Variants in BTC observed in about 807,000 individuals in gnomAD.
BTC encodes the protein betacellulin.
In BTC, 13 loss-of-function variants were observed where a neutral mutation model predicts 18.1. The ratio of observed to expected loss-of-function variants is 0.72; its 90% CI spans 0.47 to 1.14. The LOEUF is 1.14. Ranked by LOEUF, BTC falls within the 50% of genes most tolerant of loss-of-function variation. The probability of loss-of-function intolerance (pLI) is 0.00; values close to 1 mark genes in which losing one functional copy is unlikely to be tolerated. For synonymous variants in BTC, 83 were observed against 79.4 expected (o/e 1.05, Z -0.24); for missense variants, 247 against 224.2 (o/e 1.10, Z -0.65).
chr4:74,776,079 T>C (rs1284504492), intron 1 of BTC, among the ~76,000 whole-genome samples: 4 of 152,208 alleles, frequency 2.6e-5, no homozygotes, highest in Non-Finnish European at 5.9e-5. Flanking sequence ...TTATTCTCCT[T>C]ACCATAAAAT....
chr4:74,751,871 G>C (rs976007577), intron 3 of BTC, among the ~76,000 whole-genome samples: 1 of 152,090 alleles, frequency 6.6e-6, no homozygotes, highest in Non-Finnish European at 1.5e-5. Flanking sequence ...TTTTCCTTAA[G>C]AGAATGCTTC....
At chr4:74,791,660 G>T (rs927248403) in intron 1 of BTC, among the ~76,000 whole-genome samples, 1 of 152,034 alleles carries the variant, frequency 6.6e-6, no homozygotes, top group South Asian at 2.1e-4. Flanking sequence ...TACCTAATTT[G>T]CATATGTTAG....
chr4:74,748,053 T>A lies in BTC; in HGVS notation c.525A>T (p.Thr175=). 1.9e-6 allele frequency: 3 copies of A among 1,585,636 alleles called. No individual in the cohort carries two copies. The South Asian group carries it at 3.4e-5, about 18-fold the overall frequency. Residue 175 remains threonine, a synonymous_variant, in exon 5 of 6, where the codon ACA becomes ACT. Transcript: ENST00000395743. ...TATCTCACTTACTTTAAGCAATATT[T>A]GTCTCTTCAATATCTTCATTGATAG... is the stretch of plus-strand genomic sequence containing the variant. The part of the protein sequence containing the change: ...ITPINEDIEE[T]NIA
At chr4:74,780,909 T>A (rs1043805647) in intron 1 of BTC, among the ~76,000 whole-genome samples, 28 of 151,344 alleles carry the variant, frequency 1.9e-4, no homozygotes, top group African/African-American at 5.8e-4. Flanking sequence ...TTTTTTTTTT[T>A]AATTTTATTA....
chr4:74,756,591 C>T (rs575062884), intron 2 of BTC, among the ~76,000 whole-genome samples: 2 of 152,298 alleles, frequency 1.3e-5, no homozygotes, highest in African/African-American at 2.4e-5. Flanking sequence ...ACTGAGTCCA[C>T]GTTCTTGACT....
intron 2 of BTC, among the ~76,000 whole-genome samples, chr4:74,759,083 G>T (rs1453701690): frequency 2.6e-5 from 4 of 151,952 alleles, no homozygotes; most frequent in Non-Finnish European, 5.9e-5. Context: ...TTATAATCCA[G>T]TATTCATCAA....
chr4:74,752,349 A>G (rs1307266673), intron 3 of BTC, among the ~76,000 whole-genome samples: 2 of 151,866 alleles, frequency 1.3e-5, no homozygotes, highest in African/African-American at 2.4e-5. Flanking sequence ...TCTGTCATAC[A>G]TAAGACCAAA....
chr4:74,765,821 G>A (rs796781968), intron 2 of BTC, among the ~76,000 whole-genome samples: 2 of 152,268 alleles, frequency 1.3e-5, no homozygotes, highest in African/African-American at 4.8e-5. Context: ...CAGAAAGGAT[G>A]ATATATAGTC....
rs1292246240 is a variant in BTC, at chr4:74,746,483, T to C, written c.*194A>G. ...ACCTAACCAGTTGCTTTTTTCCCAATTACTAGACAATATACATATAATTAA... is the reference window on the plus strand; with the variant it reads ...ACCTAACCAGTTGCTTTTTTCCCAACTACTAGACAATATACATATAATTAA... On this transcript the variant is annotated 3_prime_UTR_variant, in exon 6 of 6. Coordinates refer to ENST00000395743, the MANE Select transcript of BTC (RefSeq NM_001729.4). The C allele has an allele frequency of 2.0e-5, 3 of 152,592 alleles. No individual in the cohort carries two copies. Among genetic ancestry groups the C allele is most frequent in the African/African-American group, 4.8e-5 (2 of 41,430 alleles). The allele number at this position is 152,592 out of a possible 1,614,324, so 9.5% of individuals were successfully genotyped here.
Position 74,750,679 on chromosome 4 carries a change from CA to C in BTC, c.321del (p.Asp108ThrfsTer5). ...CTGTCTCCTCTTAGGTAAAACAAGT[CA>C]ACTCTCTCACACCTTGCTCCAATGT... is the stretch of plus-strand genomic sequence containing the variant. ...EGYIGARCER[V>X]DLFYLRGDRG... On this transcript the variant is annotated frameshift_variant, in exon 4 of 6. Coordinates refer to ENST00000395743, the MANE Select transcript of BTC (RefSeq NM_001729.4). LOFTEE classifies it high-confidence loss of function. 1 of 1,613,904 alleles carries C rather than the reference CA, an allele frequency of 6.2e-7. No homozygotes were observed. Among genetic ancestry groups the C allele is most frequent in the Non-Finnish European group, 8.5e-7 (1 of 1,179,934 alleles).
chr4:74,780,560 A>G lies in BTC; in HGVS notation c.65-10404T>C, dbSNP rs138104344. 7.3e-3 allele frequency among the ~76,000 whole-genome samples: 1,109 copies of G among 152,300 alleles called. 12 individuals carry two copies. The highest frequency in any genetic ancestry group is 0.061 in the Middle Eastern group (18 of 294). ...CAGGATGGCAATGTTACAAATAACT[A>G]TCTCCCGATGTAACAATATTTGAAT... On this transcript the variant is annotated intron_variant, in intron 1 of 5. Transcript: ENST00000395743.
intron 1 of BTC, among the ~76,000 whole-genome samples, chr4:74,791,873 G>A (rs375180447): frequency 6.7e-4 from 102 of 151,958 alleles, no homozygotes; most frequent in African/African-American, 2.3e-3. Context: ...TGCCCAGAAA[G>A]TTGTAACTTA....
At chr4:74,777,296 A>T (rs1327976441) in intron 1 of BTC, among the ~76,000 whole-genome samples, 3 of 152,190 alleles carry the variant, frequency 2.0e-5, no homozygotes, top group African/African-American at 4.8e-5. Flanking sequence ...GGTGGAGGGT[A>T]GAAATTATGC....
At chr4:74,766,758 A>T (rs1724912429) in intron 2 of BTC, among the ~76,000 whole-genome samples, 1 of 152,090 alleles carries the variant, frequency 6.6e-6, no homozygotes, top group Non-Finnish European at 1.5e-5. Flanking sequence ...TCATTTTACG[A>T]AGCCAGCATT....
intron 2 of BTC, among the ~76,000 whole-genome samples, chr4:74,760,847 ACCTCAG>A (rs1553957238): frequency 6.6e-6 from 1 of 150,566 alleles, no homozygotes; most frequent in African/African-American, 2.5e-5. Flanking sequence ...CCATTCTCCT[ACCTCAG>A]CCTCCTGAGT....
chr4:74,754,519 AGAT>A (rs1317287897), intron 3 of BTC, among the ~76,000 whole-genome samples: 1 of 152,156 alleles, frequency 6.6e-6, no homozygotes, highest in Non-Finnish European at 1.5e-5. Flanking sequence ...GTCCACAAGG[AGAT>A]GATGAGTGCA....
Position 74,770,562 on chromosome 4 carries a change from T to C in BTC, c.65-406A>G, listed in dbSNP as rs1725010947. 2.6e-5 allele frequency among the ~76,000 whole-genome samples: 4 copies of C among 152,182 alleles called. No homozygotes were observed. In the South Asian group the frequency reaches 8.3e-4, roughly 32 times the overall value. On this transcript the variant is annotated intron_variant, in intron 1 of 5. Coordinates refer to ENST00000395743, the MANE Select transcript of BTC (RefSeq NM_001729.4). ...TCCATTCCACAAAGAGCCAGCGTTC[T>C]CAGGTGTTAACAACTGAATGTGCTT...
At chr4:74,784,093 A>G (rs539086864) in intron 1 of BTC, among the ~76,000 whole-genome samples, 4 of 152,046 alleles carry the variant, frequency 2.6e-5, no homozygotes, top group Middle Eastern at 3.4e-3. Flanking sequence ...TTAGCTGGGT[A>G]TGGTGGCAGG....
chr4:74,770,282 C>T (rs1449809674), intron 1 of BTC, 126 bp from the exon 2 acceptor site: 2 of 708,112 alleles, frequency 2.8e-6, no homozygotes, highest in South Asian at 3.9e-5. Context: ...ATTTCCAAGT[C>T]ACTCACTCCC....
Sources: allele counts gnomAD v4.1 joint callset (sites outside exome capture counted in the v4.1 genomes callset), GRCh38; gene constraint gnomAD v4.1.1; transcripts MANE v1.5; gene names NCBI Gene and HGNC (gene_info 2026-07-23, HGNC 2026-07-21).